The following ZNF420 variants were observed in gnomAD, a reference collection of about 807,000 sequenced individuals.
ZNF420 encodes the protein zinc finger protein 420.
A neutral mutation model predicts 44.7 loss-of-function variants in ZNF420; 31 were observed. That is an observed-to-expected ratio of 0.69 (90% CI 0.52 to 0.94). The LOEUF is 0.94. Ranked by LOEUF, ZNF420 falls within the 40% of genes least tolerant of loss-of-function variation. ZNF420 has a pLI of 0.00. For missense variants in ZNF420, 681 were observed against 827.9 expected, an observed-to-expected ratio of 0.82 and a Z score of 2.18; for synonymous variants, 245 against 267.4, an observed-to-expected ratio of 0.92 and a Z score of 0.82.
At chr19:37,096,750 A>T (rs1969475689) in intron 4 of ZNF420, among the ~76,000 whole-genome samples, 1 of 152,196 alleles carries the variant, frequency 6.6e-6, no homozygotes, top group South Asian at 2.1e-4. Flanking sequence ...TTAAAAGGAC[A>T]TCTGTCATAT....
intron 1 of ZNF420, among the ~76,000 whole-genome samples, chr19:37,039,409 C>T (rs1032865513): frequency 6.6e-6 from 1 of 152,220 alleles, no homozygotes; most frequent in African/African-American, 2.4e-5. Context: ...AAACAGCATT[C>T]ATTTCCCTGT....
chr19:37,056,969 A>C (rs1277284489), intron 1 of ZNF420, among the ~76,000 whole-genome samples: 4 of 152,260 alleles, frequency 2.6e-5, no homozygotes, highest in African/African-American at 9.6e-5. Flanking sequence ...CCTGACTTCC[A>C]GCAGCGGAGC....
At chr19:37,035,312 CTGTT>C (rs1158614953) in intron 1 of ZNF420, among the ~76,000 whole-genome samples, 1 of 152,220 alleles carries the variant, frequency 6.6e-6, no homozygotes, top group African/African-American at 2.4e-5. Flanking sequence ...CCATGAATCT[CTGTT>C]TGCTCAAATA....
rs892704084 is a variant in ZNF420, at chr19:37,123,807, C to T, written c.137-3321C>T. On this transcript the variant is annotated intron_variant, in intron 4 of 4. Coordinates refer to ENST00000337995, the MANE Select transcript of ZNF420 (RefSeq NM_144689.5). Reference sequence around the variant, plus strand: ...TATTTTTAGTAGAGAGGGGGTTTCACGAGTGTTAGCCAAGATGGTCTCAAT... The same window carrying T: ...TATTTTTAGTAGAGAGGGGGTTTCATGAGTGTTAGCCAAGATGGTCTCAAT... Among the ~76,000 whole-genome samples the T allele has an allele frequency of 5.3e-5, 8 of 151,054 alleles. No homozygotes were observed. In the East Asian group the frequency reaches 9.7e-4, roughly 18 times the overall value.
intron 1 of ZNF420, among the ~76,000 whole-genome samples, chr19:37,023,086 C>T (rs1023013358): frequency 1.3e-5 from 2 of 150,888 alleles, no homozygotes; most frequent in Non-Finnish European, 3.0e-5. Context: ...TGCAGTGAGC[C>T]GAGATTGCAC....
chr19:37,066,434 C>CAA (rs201752057), intron 1 of ZNF420, among the ~76,000 whole-genome samples: 44,058 of 140,960 alleles, frequency 0.31, 6,736 homozygotes, highest in Non-Finnish European at 0.35. Flanking sequence ...GAGTCTGTCT[C>CAA]AAAAAAAAAA....
intron 1 of ZNF420, among the ~76,000 whole-genome samples, chr19:37,047,055 T>A (rs1013114484): frequency 6.6e-6 from 1 of 150,582 alleles, no homozygotes; most frequent in African/African-American, 2.4e-5. Context: ...AGAAATTGAA[T>A]ATAGGCAAGG....
chr19:37,044,286 G>A (rs188180673), intron 1 of ZNF420, among the ~76,000 whole-genome samples: 2 of 152,302 alleles, frequency 1.3e-5, no homozygotes, highest in Non-Finnish European at 2.9e-5. Flanking sequence ...GGAGGCCAAG[G>A]CAGGAGGATC....
chr19:37,125,868 T>C (rs1398588657), intron 4 of ZNF420, among the ~76,000 whole-genome samples: 4 of 152,358 alleles, frequency 2.6e-5, no homozygotes, highest in Middle Eastern at 3.4e-3. Flanking sequence ...TGTTTCTCCT[T>C]TATTCCTCAG....
intron 1 of ZNF420, among the ~76,000 whole-genome samples, chr19:37,039,748 T>A (rs1054202220): frequency 4.0e-5 from 6 of 151,644 alleles, no homozygotes; most frequent in Non-Finnish European, 4.4e-5. Flanking sequence ...TTGCCCAGAC[T>A]GGATTGCAGT....
At chr19:37,119,461 C>T (rs1232679682) in intron 4 of ZNF420, among the ~76,000 whole-genome samples, 3 of 152,178 alleles carry the variant, frequency 2.0e-5, no homozygotes, top group African/African-American at 7.2e-5. Context: ...CTCTGGGACA[C>T]ATTCAAAGCA....
chr19:37,033,691 A>G (rs1415341630), intron 1 of ZNF420, among the ~76,000 whole-genome samples: 1 of 152,210 alleles, frequency 6.6e-6, no homozygotes, highest in Non-Finnish European at 1.5e-5. Context: ...CCTGCTTTCA[A>G]TTCTTATGGG....
chr19:37,015,176 A>G (rs2074600688), intron 1 of ZNF420, among the ~76,000 whole-genome samples: 1 of 152,196 alleles, frequency 6.6e-6, no homozygotes, highest in Non-Finnish European at 1.5e-5. Flanking sequence ...TTGTGAAACA[A>G]ATGTGACTCG....
chr19:37,059,792 CT>C (rs759239396), intron 1 of ZNF420, among the ~76,000 whole-genome samples: 33 of 151,876 alleles, frequency 2.2e-4, no homozygotes, highest in Non-Finnish European at 3.1e-4. Context: ...GTCTCTGTCT[CT>C]TTCTCTCTCT....
At chr19:37,032,507 GAA>G (rs35765701) in intron 1 of ZNF420, among the ~76,000 whole-genome samples, 3 of 124,128 alleles carry the variant, frequency 2.4e-5, no homozygotes, top group African/African-American at 5.9e-5. Flanking sequence ...CGGTCTTTAA[GAA>G]AAAAAAAAAA....
At chr19:37,076,055 CTTT>C (rs1202420845), upstream of ZNF420, among the ~76,000 whole-genome samples, 1 of 152,026 alleles carries the variant, frequency 6.6e-6, no homozygotes, top group Non-Finnish European at 1.5e-5. Context: ...GCTGCCTATA[CTTT>C]TTTTAAAAAA....
intron 1 of ZNF420, among the ~76,000 whole-genome samples, chr19:37,049,662 A>G: frequency 6.6e-6 from 1 of 152,104 alleles, no homozygotes. Flanking sequence ...CCCATTCTGT[A>G]GGTTGCCTGT....
chr19:37,030,145 C>T (rs1967230725), intron 1 of ZNF420, among the ~76,000 whole-genome samples: 1 of 152,024 alleles, frequency 6.6e-6, no homozygotes, highest in South Asian at 2.1e-4. Flanking sequence ...CACTGTGGTT[C>T]TCTGTTTTTG....
chr19:37,012,504 A>G (rs1193521386), intron 1 of ZNF420, among the ~76,000 whole-genome samples: 2 of 152,184 alleles, frequency 1.3e-5, no homozygotes, highest in Admixed American at 6.5e-5. Context: ...GCGGATGCCA[A>G]GAGTGGTGGA....
Sources: gnomAD v4.1 joint callset for allele counts (sites outside exome capture counted in the v4.1 genomes callset) on GRCh38, gnomAD v4.1.1 for gene constraint, MANE v1.5 for transcripts, NCBI Gene and HGNC (gene_info 2026-07-23, HGNC 2026-07-21) for gene names.